NR1H4: variants seen among roughly 807,000 people sequenced by gnomAD.
The protein encoded by NR1H4 is nuclear receptor subfamily 1 group H member 4.
NR1H4 carries 23 observed loss-of-function variants against 58.5 expected under a neutral mutation model. The observed-to-expected ratio is 0.39, with a 90% CI of 0.28 to 0.56. The LOEUF (loss-of-function observed/expected upper bound fraction) is 0.56, where lower values mean the gene tolerates loss of function less well. Ranked by LOEUF, NR1H4 falls within the 20% of genes least tolerant of loss-of-function variation. The pLI is 0.58. For missense variants in NR1H4, 487 were observed against 576.9 expected, an observed-to-expected ratio of 0.84 and a Z score of 1.60; for synonymous variants, 214 against 198.0, an observed-to-expected ratio of 1.08 and a Z score of -0.68.
At chr12:100,505,494 G>C in intron 3 of NR1H4, 1 of 656,948 alleles carries the variant, frequency 1.5e-6, no homozygotes, top group Non-Finnish European at 2.7e-6. Context: ...ACCTCAGAAA[G>C]CTCCCTCAGA....
chr12:100,482,538 C>T (rs893928064), intron 1 of NR1H4, among the ~76,000 whole-genome samples: 1 of 152,156 alleles, frequency 6.6e-6, no homozygotes, highest in African/African-American at 2.4e-5. Flanking sequence ...TTGTGCAAGG[C>T]ATTGGAGATC....
In NR1H4 at chr12:100,564,314, C is replaced by T. The variant is rs554311373; in HGVS notation, c.*825C>T. On this transcript the variant is annotated 3_prime_UTR_variant, in exon 11 of 11. Transcript: ENST00000392986. ...GAGCACAGCTGCTGTATACTTCCCC[C>T]AAAGCAGGAATTAGTTCATTTCCTT... 11 of 152,322 alleles carry T rather than the reference C, an allele frequency of 7.2e-5. No individual in the cohort carries two copies. The highest frequency in any genetic ancestry group is 2.6e-4 in the African/African-American group (11 of 41,570). 9.4% of individuals were successfully genotyped at this position (152,322 alleles called of 1,614,324 possible).
chr12:100,509,536 T>C (rs1299491222), intron 3 of NR1H4, among the ~76,000 whole-genome samples: 1 of 152,210 alleles, frequency 6.6e-6, no homozygotes, highest in African/African-American at 2.4e-5. Context: ...GCAAAGCACT[T>C]GGCACACATT....
intron 4 of NR1H4, among the ~76,000 whole-genome samples, chr12:100,531,329 G>A (rs758487545): frequency 2.4e-4 from 37 of 152,038 alleles, no homozygotes; most frequent in Non-Finnish European, 4.4e-4. Flanking sequence ...GGTGGGCGGC[G>A]CCTGTCATCC....
rs988215523 is a variant in NR1H4, at chr12:100,489,771, CTT to C, written c.-189-2726_-189-2725del. 7.9e-5 allele frequency among the ~76,000 whole-genome samples: 12 copies of C among 152,194 alleles called. 1 individual carries two copies. Among genetic ancestry groups the C allele is most frequent in the African/African-American group, 2.9e-4 (12 of 41,512 alleles). On this transcript the variant is annotated intron_variant, in intron 1 of 10. Coordinates refer to ENST00000392986, the MANE Select transcript of NR1H4 (RefSeq NM_001206979.2). ...AAAATGGGTGTCTAAGCTGGGAAGA[CTT>C]TTTTTCAGTATACTGTTTGAATTGT... is the stretch of plus-strand genomic sequence containing the variant.
At chr12:100,544,299 C>T (rs1593119560) in intron 9 of NR1H4, among the ~76,000 whole-genome samples, 1 of 144,524 alleles carries the variant, frequency 6.9e-6, no homozygotes, top group South Asian at 2.2e-4. Context: ...CTAATTCTTA[C>T]AAAACTAATA....
At chr12:100,476,263 C>T (rs1953269248) in intron 1 of NR1H4, among the ~76,000 whole-genome samples, 1 of 152,152 alleles carries the variant, frequency 6.6e-6, no homozygotes, top group Non-Finnish European at 1.5e-5. Context: ...AGCCGTTAAG[C>T]ATTCCAGCCT....
intron 4 of NR1H4, among the ~76,000 whole-genome samples, chr12:100,513,560 C>T (rs531108432): frequency 6.6e-6 from 1 of 152,184 alleles, no homozygotes; most frequent in South Asian, 2.1e-4. Flanking sequence ...TATGGGAGGC[C>T]GAGGTGGGGG....
chr12:100,495,604 G>C (rs1176940350), intron 3 of NR1H4, among the ~76,000 whole-genome samples: 3 of 151,684 alleles, frequency 2.0e-5, no homozygotes, highest in African/African-American at 7.3e-5. Flanking sequence ...GGTGGTGCAT[G>C]CCTATAATCC....
intron 4 of NR1H4, among the ~76,000 whole-genome samples, chr12:100,520,074 C>G (rs938946280): frequency 1.3e-5 from 2 of 152,104 alleles, no homozygotes; most frequent in Non-Finnish European, 2.9e-5. Context: ...ATCAGAGGAC[C>G]AATGCCTCAT....
At chr12:100,484,226 G>A (rs1315885344) in intron 1 of NR1H4, among the ~76,000 whole-genome samples, 1 of 152,076 alleles carries the variant, frequency 6.6e-6, no homozygotes, top group Non-Finnish European at 1.5e-5. Flanking sequence ...GCATGTAATC[G>A]GTTTTTATCT....
intron 1 of NR1H4, among the ~76,000 whole-genome samples, chr12:100,486,033 A>G: frequency 6.6e-6 from 1 of 152,082 alleles, no homozygotes; most frequent in East Asian, 1.9e-4. Flanking sequence ...TATATTTGAA[A>G]ACCTATGAAA....
At chr12:100,502,555 T>C (rs960003578) in intron 3 of NR1H4, among the ~76,000 whole-genome samples, 1 of 152,222 alleles carries the variant, frequency 6.6e-6, no homozygotes, top group Non-Finnish European at 1.5e-5. Context: ...CATTTTAATT[T>C]GATTTTCTCT....
At chr12:100,483,287 G>C (rs1468376810) in intron 1 of NR1H4, among the ~76,000 whole-genome samples, 5 of 152,074 alleles carry the variant, frequency 3.3e-5, no homozygotes. Flanking sequence ...ACAAAACTGA[G>C]GTTGATTAGT....
In NR1H4 at chr12:100,540,657, A is replaced by G. The variant is rs1388558257; in HGVS notation, c.932-15A>G. ...GTTACTCCTTGATACCAATTTGATT[A>G]TCATCATTACCTAGGATTTCAGACT... On this transcript the variant is annotated splice_polypyrimidine_tract_variant and intron_variant, in intron 8 of 10. Transcript: ENST00000392986. The G allele has an allele frequency of 8.7e-6, 14 of 1,613,584 alleles. No individual in the cohort carries two copies. Among genetic ancestry groups the G allele is most frequent in the East Asian group, 6.7e-5 (3 of 44,884 alleles).
chr12:100,562,056 ACGTTTATTG>A, intron 10 of NR1H4, 58 bp downstream of exon 10: 1 of 827,112 alleles, frequency 1.2e-6, no homozygotes, highest in Non-Finnish European at 2.1e-6. Flanking sequence ...ACTAGTAATA[ACGTTTATTG>A]AAAAAAATCT....
In NR1H4 at chr12:100,563,724, T is replaced by C; in HGVS notation, c.*235T>C. ...CCTGCATTCTAATTGGCAAGCCCTG[T>C]TTGCCTAATTAAATTGATTGTTACT... On this transcript the variant is annotated 3_prime_UTR_variant, in exon 11 of 11. Coordinates refer to ENST00000392986, the MANE Select transcript of NR1H4 (RefSeq NM_001206979.2). 1.9e-6 allele frequency: 1 copy of C among 515,458 alleles called. No individual in the cohort carries two copies. Among genetic ancestry groups the C allele is most frequent in the Non-Finnish European group, 3.4e-6 (1 of 291,864 alleles). The allele number at this position is 515,458 out of a possible 1,614,324, so 31.9% of individuals were successfully genotyped here.
Position 100,506,002 on chromosome 12 carries a change from AACACAC to A in NR1H4, c.80-4740_80-4735del, listed in dbSNP as rs398020830. ...TGACTGCTAAATAGCAAGTGTTTATAACACACACACACACACACACACACACACACA... is the reference window on the plus strand; with the variant it reads ...TGACTGCTAAATAGCAAGTGTTTATAACACACACACACACACACACACACA... On this transcript the variant is annotated intron_variant, in intron 3 of 10. Coordinates refer to ENST00000392986, the MANE Select transcript of NR1H4 (RefSeq NM_001206979.2). Among the ~76,000 whole-genome samples, 356 of 141,122 alleles carry A rather than the reference AACACAC, an allele frequency of 2.5e-3. 2 individuals carry two copies. The highest frequency in any genetic ancestry group is 7.4e-3 in the Middle Eastern group (2 of 272). 92.6% of individuals were successfully genotyped at this position (141,122 alleles called of 152,430 possible).
Position 100,493,364 on chromosome 12 carries a change from C to T in NR1H4, c.41C>T (p.Pro14Leu), listed in dbSNP as rs11608438. 6.3e-7 allele frequency: 1 copy of T among 1,578,464 alleles called. No homozygotes were observed. Among genetic ancestry groups the T allele is most frequent in the South Asian group, 1.1e-5 (1 of 88,558 alleles). The stretch of plus-strand genomic sequence containing the variant: ...AATCTCATTGAACATTCCCATTTAC[C>T]TACCACAGATGAATTTTCTTTTTCT... ...KMNLIEHSHL[P>L]TTDEFSFSEN... The change falls in exon 3 of 11, where the codon CCT (proline) becomes CTT (leucine). Residue 14 changes from proline (P) to leucine (L), a missense_variant. Physicochemically the swap from Pro to Leu is moderately conservative, Grantham distance 98. Transcript: ENST00000392986.
Sources: gnomAD v4.1 joint callset for allele counts (sites outside exome capture counted in the v4.1 genomes callset) on GRCh38, gnomAD v4.1.1 for gene constraint, MANE v1.5 for transcripts, NCBI Gene and HGNC (gene_info 2026-07-23, HGNC 2026-07-21) for gene names.